The following DIP2B variants were observed in gnomAD, a reference collection of about 807,000 sequenced individuals.
DIP2B encodes the protein DIP2 acetate--CoA ligase B (putative), also known as disco-interacting protein 2 homolog B.
A neutral mutation model predicts 198.0 loss-of-function variants in DIP2B; 76 were observed. The ratio of observed to expected loss-of-function variants is 0.38; its 90% CI spans 0.32 to 0.46. The LOEUF (loss-of-function observed/expected upper bound fraction) is 0.46, where lower values mean the gene tolerates loss of function less well. Ranked by LOEUF, DIP2B falls within the 20% of genes least tolerant of loss-of-function variation. The pLI is 0.99. For synonymous variants in DIP2B, 701 were observed against 739.1 expected (o/e 0.95, Z 0.84); for missense variants, 1,559 against 1,978.4 (o/e 0.79, Z 4.02).
intron 1 of DIP2B, among the ~76,000 whole-genome samples, chr12:50,532,387 C>T (rs373168038): frequency 7.2e-5 from 11 of 151,990 alleles, no homozygotes; most frequent in African/African-American, 2.4e-4. Flanking sequence ...TGGTGGCATG[C>T]GCCTGTAATC....
intron 1 of DIP2B, among the ~76,000 whole-genome samples, chr12:50,543,013 G>A (rs1958340247): frequency 6.6e-6 from 1 of 151,764 alleles, no homozygotes; most frequent in South Asian, 2.1e-4. Context: ...GACTACAGAT[G>A]TGTGCCACCA....
At chr12:50,734,582 C>T (rs978706631) in intron 33 of DIP2B, among the ~76,000 whole-genome samples, 2 of 152,106 alleles carry the variant, frequency 1.3e-5, no homozygotes, top group African/African-American at 2.4e-5. Flanking sequence ...TGGGTAAAAG[C>T]CTGCCTCCTT....
chr12:50,679,027 C>T (rs1592124013), intron 8 of DIP2B, 151 bp downstream of exon 8: 1 of 869,690 alleles, frequency 1.1e-6, no homozygotes, highest in Middle Eastern at 3.3e-4. Flanking sequence ...CTAAGTAAAG[C>T]TATTGCCAAA....
chr12:50,725,066 G>A (rs1425702309), intron 28 of DIP2B, among the ~76,000 whole-genome samples, 180 bp downstream of exon 28: 1 of 152,210 alleles, frequency 6.6e-6, no homozygotes, highest in African/African-American at 2.4e-5. Flanking sequence ...GATGCAAAGA[G>A]CCAGATCACA....
In DIP2B at chr12:50,698,453, A is replaced by C. The variant is rs770224917; in HGVS notation, c.2174A>C (p.His725Pro). 5.6e-6 allele frequency: 9 copies of C among 1,613,422 alleles called. No individual in the cohort carries two copies. The highest frequency in any genetic ancestry group is 1.3e-5 in the African/African-American group (1 of 75,032). The change falls in exon 18 of 38, where the codon CAT becomes CCT. Residue 725 changes from histidine (H) to proline (P), a missense_variant. Coordinates refer to ENST00000301180, the MANE Select transcript of DIP2B (RefSeq NM_173602.3). ...GCACTGACGGTCCAGGATGTAGGGCATGTAATGCCTGGTGGTGAGTCGCAA... is the reference window on the plus strand; with the variant it reads ...GCACTGACGGTCCAGGATGTAGGGCCTGTAATGCCTGGTGGTGAGTCGCAA... ...NSALTVQDVG[H>P]VMPGGMMCIV...
chr12:50,708,305 G>A (rs1365001453), intron 21 of DIP2B, 143 bp from the exon 22 acceptor site: 6 of 650,514 alleles, frequency 9.2e-6, no homozygotes, highest in African/African-American at 1.8e-5. Context: ...CATTTTGAGA[G>A]TAATGATTAT....
intron 2 of DIP2B, among the ~76,000 whole-genome samples, chr12:50,631,744 T>C (rs1053953882): frequency 1.3e-5 from 2 of 152,342 alleles, no homozygotes; most frequent in East Asian, 3.9e-4. Flanking sequence ...AATTTTCTTC[T>C]TCTTAAAGCA....
chr12:50,546,082 C>G (rs1354834315), intron 1 of DIP2B, among the ~76,000 whole-genome samples: 1 of 152,210 alleles, frequency 6.6e-6, no homozygotes, highest in African/African-American at 2.4e-5. Flanking sequence ...CCATTCTGCA[C>G]TGATTGTATT....
At chr12:50,698,246 G>A in intron 17 of DIP2B, 82 bp from the exon 18 acceptor site, 1 of 1,499,960 alleles carries the variant, frequency 6.7e-7, no homozygotes, top group South Asian at 1.4e-5. Flanking sequence ...ATTGTAGCCA[G>A]AGGAAATTTG....
At chr12:50,709,114 A>C (rs1210627973) in intron 22 of DIP2B, among the ~76,000 whole-genome samples, 2 of 152,244 alleles carry the variant, frequency 1.3e-5, no homozygotes, top group African/African-American at 4.8e-5. Flanking sequence ...AGAATCATAG[A>C]CTTGGAATCC....
intron 3 of DIP2B, among the ~76,000 whole-genome samples, chr12:50,643,474 G>C (rs1565856220): frequency 6.7e-6 from 1 of 149,320 alleles, no homozygotes; most frequent in African/African-American, 2.5e-5. Flanking sequence ...GTAGCAAAAA[G>C]TAGGCCAGAA....
intron 1 of DIP2B, among the ~76,000 whole-genome samples, chr12:50,575,308 T>C (rs746894351): frequency 2.0e-5 from 3 of 152,190 alleles, no homozygotes; most frequent in Non-Finnish European, 4.4e-5. Flanking sequence ...TTTTATTTTG[T>C]GATACCACAG....
rs1462600024 is a variant in DIP2B at position 50,685,788 on chromosome 12, C to T, written c.1318-45C>T. ...AGTGTCAGATATGGGCATGAGTGTG[C>T]TCACATTCGCTCCCCTACCTATGTT... On this transcript the variant is annotated intron_variant, in intron 10 of 37. Transcript: ENST00000301180. 5 of 1,591,598 alleles carry T rather than the reference C, an allele frequency of 3.1e-6. No homozygotes were observed. The African/African-American group carries it at 5.4e-5, about 17-fold the overall frequency.
intron 1 of DIP2B, among the ~76,000 whole-genome samples, chr12:50,600,518 A>G (rs1209073351): frequency 6.6e-6 from 1 of 152,136 alleles, no homozygotes; most frequent in Non-Finnish European, 1.5e-5. Flanking sequence ...GGTAGGGTGC[A>G]CCTGGCCTGG....
At chr12:50,706,803 C>T in intron 21 of DIP2B, 138 bp downstream of exon 21, 19 of 840,624 alleles carry the variant, frequency 2.3e-5, no homozygotes, top group South Asian at 9.0e-5. Context: ...ATAAGCCTGG[C>T]TTTTTTTTTT....
Position 50,681,447 on chromosome 12 carries a change from A to G in DIP2B, c.1206+684A>G, listed in dbSNP as rs184171485. 1.2e-3 allele frequency among the ~76,000 whole-genome samples: 181 copies of G among 152,248 alleles called. 2 individuals are homozygous for G. The highest frequency in any genetic ancestry group is 4.1e-3 in the African/African-American group (170 of 41,518). ...AGACCCTAACAACAACAACAACAAA[A>G]AAAAAGCCTCATACATCTTTTAAAA... is the stretch of plus-strand genomic sequence containing the variant. On this transcript the variant is annotated intron_variant, in intron 9 of 37. Transcript: ENST00000301180.
At chr12:50,668,544 A>G (rs1251965859) in intron 4 of DIP2B, among the ~76,000 whole-genome samples, 1 of 152,248 alleles carries the variant, frequency 6.6e-6, no homozygotes, top group Admixed American at 6.5e-5. Flanking sequence ...GATCCAATAT[A>G]GAAACATAAT....
intron 1 of DIP2B, among the ~76,000 whole-genome samples, chr12:50,574,174 TA>T (rs546655887): frequency 5.9e-5 from 9 of 152,218 alleles, no homozygotes; most frequent in East Asian, 1.9e-4. Context: ...ATGTAACCTT[TA>T]AAAAAAATCT....
chr12:50,739,869 C>T (rs551356181), intron 36 of DIP2B, among the ~76,000 whole-genome samples: 1 of 152,198 alleles, frequency 6.6e-6, no homozygotes, highest in Non-Finnish European at 1.5e-5. Context: ...ACTTTCAGTC[C>T]CTGCAGGGCT....
Sources: gnomAD v4.1 joint callset for allele counts (sites outside exome capture counted in the v4.1 genomes callset) on GRCh38, gnomAD v4.1.1 for gene constraint, MANE v1.5 for transcripts, NCBI Gene and HGNC (gene_info 2026-07-23, HGNC 2026-07-21) for gene names.